The following STXBP2 variants were observed in gnomAD, a reference collection of about 807,000 sequenced individuals.
The protein encoded by STXBP2 is syntaxin-binding protein 2.
A neutral mutation model predicts 72.2 loss-of-function variants in STXBP2; 47 were observed. The ratio of observed to expected loss-of-function variants is 0.65; its 90% CI spans 0.51 to 0.83. The LOEUF (loss-of-function observed/expected upper bound fraction) is 0.83. STXBP2 is among the 40% of genes least tolerant of loss of function. STXBP2 has a pLI of 0.00. For synonymous variants in STXBP2, 367 were observed against 338.7 expected (o/e 1.08, Z -0.92); for missense variants, 702 against 807.6 (o/e 0.87, Z 1.58).
chr19:7,639,647 G>A, intron 3 of STXBP2, 84 bp from the exon 4 acceptor site: 1 of 1,267,482 alleles, frequency 7.9e-7, no homozygotes, highest in East Asian at 2.5e-5. Flanking sequence ...TCCTCCCCAA[G>A]CCTCCAACCC....
chr19:7,642,123 G>C lies in STXBP2; in HGVS notation c.663+5G>C. The C allele has an allele frequency of 1.2e-6, 2 of 1,614,080 alleles. No individual in the cohort carries two copies. The highest frequency in any genetic ancestry group is 8.5e-7 in the Non-Finnish European group (1 of 1,180,006). On this transcript the variant is annotated splice_donor_5th_base_variant and intron_variant, in intron 8 of 18. Transcript: ENST00000221283. The surrounding 1 kb of genome is among the most constrained non-coding windows in gnomAD (Gnocchi z 6.0). ...GACACTCCCAGTCTGGGCGAGGTGA[G>C]GGGGCGTGCTTGGGAGGTGAGGGGC...
chr19:7,640,386 G>A (rs1051755426), intron 4 of STXBP2: 1 of 571,028 alleles, frequency 1.8e-6, no homozygotes, highest in East Asian at 3.9e-5. Context: ...GCGCATCAGT[G>A]TCTGCATGTG....
upstream of STXBP2, chr19:7,632,329 GA>G: frequency 6.3e-7 from 1 of 1,598,038 alleles, no homozygotes; most frequent in Non-Finnish European, 8.5e-7. The surrounding 1 kb of genome is among the most constrained non-coding windows in gnomAD (Gnocchi z 5.2). Flanking sequence ...GGCTGGGGTG[GA>G]GGGCAGGATC....
intron 4 of STXBP2, chr19:7,640,296 GTCTA>G (rs1198781491): frequency 1.1e-5 from 6 of 560,860 alleles, no homozygotes; most frequent in East Asian, 4.1e-5. Context: ...GTGTGCATGT[GTCTA>G]TGTATGTGTG....
intron 13 of STXBP2, among the ~76,000 whole-genome samples, chr19:7,643,578 A>G (rs1318330930): frequency 1.4e-5 from 2 of 143,318 alleles, no homozygotes; most frequent in African/African-American, 2.7e-5. Context: ...GGCCTTGGAG[A>G]GGTGCGACCT....
At position 7,641,893 on chromosome 19, in the gene STXBP2, C is replaced by A. The variant is rs751046015; in HGVS notation, c.578+40C>A. On this transcript the variant is annotated intron_variant, in intron 7 of 18. Transcript: ENST00000221283. ...CAGCCCCACCCCGATGCCGACCCCC[C>A]CTTAACCGCGTGCAACACCTAACCT... 19 of 1,587,228 alleles carry A rather than the reference C, an allele frequency of 1.2e-5. No homozygotes were observed. In the African/African-American group the frequency reaches 1.6e-4, roughly 14 times the overall value.
intron 13 of STXBP2, among the ~76,000 whole-genome samples, chr19:7,644,030 C>T (rs1228632778): frequency 9.3e-5 from 13 of 140,400 alleles, no homozygotes; most frequent in East Asian, 2.3e-4. Context: ...GAGGTGGGAC[C>T]TGGGTGAGGG....
Position 7,643,187 on chromosome 19 carries a change from C to T in STXBP2, c.1049C>T (p.Ala350Val). The T allele has an allele frequency of 5.0e-6, 8 of 1,614,128 alleles. No individual in the cohort carries two copies. Among genetic ancestry groups the T allele is most frequent in the Non-Finnish European group, 6.8e-6 (8 of 1,180,018 alleles). The change falls in exon 13 of 19, where the codon GCA becomes GTA. Residue 350 changes from alanine (A) to valine (V), a missense_variant. Coordinates refer to ENST00000221283, the MANE Select transcript of STXBP2 (RefSeq NM_006949.4). ...CAGTATTCTACGCACCTGCATCTAG[C>T]AGATGATTGTATGAAGCACTTCAAG... Reference protein sequence around the residue: ...LNKYSTHLHLADDCMKHFKGS... With the variant: ...LNKYSTHLHLVDDCMKHFKGS...
intron 4 of STXBP2, 87 bp downstream of exon 4, chr19:7,639,894 G>A: frequency 7.1e-7 from 1 of 1,400,314 alleles, no homozygotes; most frequent in Non-Finnish European, 1.0e-6. Flanking sequence ...GTGATTGCAT[G>A]TGTGCATGTG....
At chr19:7,631,718 TG>T in the STXBP2 span, 1 of 1,448,930 alleles carries the variant, frequency 6.9e-7, no homozygotes, top group Non-Finnish European at 9.1e-7. Context: ...GGCTGGGGGC[TG>T]CTGTTCCGAC....
At chr19:7,646,033 C>A in intron 15 of STXBP2, 1 of 594,240 alleles carries the variant, frequency 1.7e-6, no homozygotes. Flanking sequence ...TTCTCTGGCT[C>A]GCTCTCTCTC....
chr19:7,631,648 A>G, the STXBP2 span: 2 of 1,452,998 alleles, frequency 1.4e-6, no homozygotes, highest in Non-Finnish European at 1.8e-6. Context: ...TTCTTTTATC[A>G]GTTTTTGGGG....
rs778481780 is a variant in STXBP2, at chr19:7,646,278, G to A, written c.1386G>A (p.Pro462=). Residue 462 remains proline (P), a synonymous_variant, in exon 16 of 19, where the codon CCG becomes CCA. Transcript: ENST00000221283. ...GGSGTSSRLE[P]RERMEPTYQL... ...CGGGGACCTCCAGCCGGCTGGAGCC[G>A]AGAGAACGCATGGAGCCCACCTATC... The A allele has an allele frequency of 1.9e-5, 31 of 1,610,442 alleles. No individual in the cohort carries two copies. Among genetic ancestry groups the A allele is most frequent in the South Asian group, 1.6e-4 (14 of 90,266 alleles).
Position 7,642,835 on chromosome 19 carries a change from C to T in STXBP2, c.960+12C>T, listed in dbSNP as rs2146219967. The T allele has an allele frequency of 6.2e-7, 1 of 1,614,060 alleles. No homozygotes were observed. Among genetic ancestry groups the T allele is most frequent in the African/African-American group, 1.3e-5 (1 of 75,000 alleles). Reference sequence around the variant, plus strand: ...TGACCACGGACAAGGTAGGGGCGGACCCAGGTCACCAAAGGCGCTGGTGGA... The same window carrying T: ...TGACCACGGACAAGGTAGGGGCGGATCCAGGTCACCAAAGGCGCTGGTGGA... On this transcript the variant is annotated intron_variant, in intron 11 of 18. Coordinates refer to ENST00000221283, the MANE Select transcript of STXBP2 (RefSeq NM_006949.4). The surrounding 1 kb of genome is among the most constrained non-coding windows in gnomAD (Gnocchi z 6.0).
chr19:7,640,506 G>T, intron 4 of STXBP2: 1 of 608,760 alleles, frequency 1.6e-6, no homozygotes, highest in Non-Finnish European at 3.2e-6. Flanking sequence ...GCATCTGTGT[G>T]TGTGTGCATG....
intron 4 of STXBP2, chr19:7,640,450 ATGTATGTGTG>A: frequency 1.6e-6 from 1 of 618,196 alleles, no homozygotes; most frequent in South Asian, 1.6e-5. Context: ...GCATGTGTGT[ATGTATGTGTG>A]TGCATCTCTG....
rs377272730 is a variant in STXBP2, at chr19:7,637,142, C to G, written c.-8C>G. The G allele has an allele frequency of 4.8e-6, 6 of 1,240,958 alleles. No homozygotes were observed. The African/African-American group carries it at 9.3e-5, about 19-fold the overall frequency. 76.9% of individuals were successfully genotyped at this position (1,240,958 alleles called of 1,614,324 possible). A position where few individuals can be genotyped will look rare whatever the true frequency, so the allele number is the denominator to read the frequency against. Reference sequence around the variant, plus strand: ...ACCCGGAAGCGGCGGCGGCGCCCCTCGGGGAAGATGGCGCCCTCGGGGCTG... The same window carrying G: ...ACCCGGAAGCGGCGGCGGCGCCCCTGGGGGAAGATGGCGCCCTCGGGGCTG... On this transcript the variant is annotated 5_prime_UTR_variant, in exon 1 of 19. Coordinates refer to ENST00000221283, the MANE Select transcript of STXBP2 (RefSeq NM_006949.4).
upstream of STXBP2, chr19:7,637,109 T>A (rs2031569627): frequency 1.6e-6 from 2 of 1,237,900 alleles, no homozygotes; most frequent in East Asian, 6.3e-5. Context: ...GCCCCCACCT[T>A]GGGACACACC....
intron 4 of STXBP2, 47 bp downstream of exon 4, chr19:7,639,854 A>T: frequency 1.3e-6 from 2 of 1,585,604 alleles, no homozygotes; most frequent in Admixed American, 1.7e-5. Flanking sequence ...ATGCGTGTAC[A>T]TGTGCATGTG....
Sources: allele counts gnomAD v4.1 joint callset (sites outside exome capture counted in the v4.1 genomes callset), GRCh38; gene constraint gnomAD v4.1.1; non-coding constraint Gnocchi (gnomAD v3.1); transcripts MANE v1.5; gene names NCBI Gene and HGNC (gene_info 2026-07-23, HGNC 2026-07-21).